Variants in ACSBG1 observed in about 807,000 individuals in gnomAD.
ACSBG1 encodes long-chain-fatty-acid--CoA ligase ACSBG1.
In ACSBG1, 39 loss-of-function variants were observed where a neutral mutation model predicts 80.2. The ratio of observed to expected loss-of-function variants is 0.49; its 90% CI spans 0.38 to 0.64. The LOEUF is 0.64. Among genes scored for constraint, ACSBG1 ranks in the 30% least tolerant of loss-of-function variants. ACSBG1 has a pLI of 0.00. For missense variants in ACSBG1, 828 were observed against 966.4 expected (o/e 0.86, Z 1.90); for synonymous variants, 392 against 379.5 (o/e 1.03, Z -0.38).
chr15:78,229,254 G>A (rs114712306), intron 1 of ACSBG1, among the ~76,000 whole-genome samples: 364 of 152,158 alleles, frequency 2.4e-3, no homozygotes, highest in African/African-American at 8.0e-3. Context: ...AAACAATTTT[G>A]AATAAATGAA....
At chr15:78,194,094 AC>A in intron 3 of ACSBG1, 74 bp from the exon 4 acceptor site, 1 of 1,446,286 alleles carries the variant, frequency 6.9e-7, no homozygotes, top group Non-Finnish European at 9.7e-7. Context: ...CAGAGCCCCC[AC>A]CCAGACTGCA....
Position 78,180,814 on chromosome 15 carries a change from T to C in ACSBG1, c.1194A>G (p.Arg398=), listed in dbSNP as rs17850482. ...CCGACATGGCCCACAGCAGCATCTT[T>C]CGCCGGATGAAGCCAGACTGAGCCG... ...EVAAQSGFIR[R]KMLLWAMSVT... Residue 398 remains arginine (R), a synonymous_variant, in exon 9 of 14, where the codon CGA becomes CGG. Coordinates refer to ENST00000258873, the MANE Select transcript of ACSBG1 (RefSeq NM_015162.5). The C allele has an allele frequency of 6.2e-7, 1 of 1,614,220 alleles. No individual in the cohort carries two copies. The highest frequency in any genetic ancestry group is 1.3e-5 in the African/African-American group (1 of 75,070).
chr15:78,191,894 C>T (rs941461424), intron 5 of ACSBG1, among the ~76,000 whole-genome samples: 7 of 152,116 alleles, frequency 4.6e-5, no homozygotes, highest in East Asian at 1.9e-4. Context: ...CACAACCCGC[C>T]GCAAAGAGAT....
At chr15:78,205,076 C>T (rs1053656672) in intron 2 of ACSBG1, among the ~76,000 whole-genome samples, 4 of 151,998 alleles carry the variant, frequency 2.6e-5, no homozygotes, top group Non-Finnish European at 4.4e-5. Context: ...CTGCTCACCC[C>T]GGGTGCCCTC....
At chr15:78,185,085 T>C (rs2074988029) in intron 5 of ACSBG1, among the ~76,000 whole-genome samples, 2 of 145,898 alleles carry the variant, frequency 1.4e-5, no homozygotes, top group South Asian at 4.4e-4. Context: ...GAGAGAGGAA[T>C]ACAGAACCCA....
At chr15:78,188,213 G>A (rs948929441) in intron 5 of ACSBG1, among the ~76,000 whole-genome samples, 8 of 152,074 alleles carry the variant, frequency 5.3e-5, no homozygotes, top group Non-Finnish European at 1.2e-4. Context: ...ATGCTCATGG[G>A]TAGGAAGAAT....
rs1407792421 is a variant in ACSBG1, at chr15:78,193,972, G to C, written c.502C>G (p.Pro168Ala). The change falls in exon 4 of 14, where the codon CCG becomes GCG. Residue 168 changes from proline (P) to alanine (A), a missense_variant. Pro to Ala is a conservative substitution (Grantham distance 27). This residue lies in a region of ACSBG1 where 356 missense variants were observed against 363.5 expected (regional missense o/e 0.98). Transcript: ENST00000258873. Reference protein sequence around the residue: ...HSVAILGFNSPEWFFSAVGTV... With the variant: ...HSVAILGFNSAEWFFSAVGTV... ...CCCACTGCCGAGAAGAACCACTCCG[G>C]GGAGTTGAAGCCGAGGATGGCCACA... is the stretch of plus-strand genomic sequence containing the variant. 1 of 1,614,028 alleles carries C rather than the reference G, an allele frequency of 6.2e-7. No homozygotes were observed. The highest frequency in any genetic ancestry group is 8.5e-7 in the Non-Finnish European group (1 of 1,180,016).
chr15:78,183,005 C>A (rs1567082089), intron 5 of ACSBG1: 1 of 585,162 alleles, frequency 1.7e-6, no homozygotes, highest in African/African-American at 1.9e-5. Context: ...GGGGATGACT[C>A]CCCATTGAAG....
At position 78,221,186 on chromosome 15, in the gene ACSBG1, T is replaced by C. The variant is rs529126964; in HGVS notation, c.132-13084A>G. ...GCCCAGGGGACCGGTACACTCAGCA[T>C]GTGAGGACCTGCACCGGCGCCGGTC... On this transcript the variant is annotated intron_variant, in intron 1 of 13. Transcript: ENST00000258873. Among the ~76,000 whole-genome samples the C allele has an allele frequency of 9.2e-5, 14 of 152,070 alleles. No homozygotes were observed. In the South Asian group the frequency reaches 2.7e-3, roughly 29 times the overall value.
chr15:78,195,365 G>A (rs1436331855), intron 2 of ACSBG1, among the ~76,000 whole-genome samples: 3 of 152,128 alleles, frequency 2.0e-5, no homozygotes, highest in East Asian at 1.9e-4. Context: ...GTCATTTATC[G>A]AAGATCACAC....
At chr15:78,233,661 T>C (rs1421812371) in intron 1 of ACSBG1, among the ~76,000 whole-genome samples, 1 of 152,154 alleles carries the variant, frequency 6.6e-6, no homozygotes, top group African/African-American at 2.4e-5. Context: ...TGGACACAAA[T>C]CACAGATGTT....
intron 1 of ACSBG1, chr15:78,212,484 C>T (rs974948537): frequency 4.5e-6 from 2 of 448,192 alleles, no homozygotes; most frequent in Non-Finnish European, 9.0e-6. Context: ...TGCGTGCCAA[C>T]TACTTTCCCT....
chr15:78,199,056 C>G (rs1434209941), intron 2 of ACSBG1, among the ~76,000 whole-genome samples: 1 of 152,090 alleles, frequency 6.6e-6, no homozygotes, highest in Non-Finnish European at 1.5e-5. Context: ...TTTTGTTTCT[C>G]TGCTTTTTAT....
At chr15:78,189,062 A>G (rs1448545056) in intron 5 of ACSBG1, among the ~76,000 whole-genome samples, 11 of 152,048 alleles carry the variant, frequency 7.2e-5, no homozygotes, top group Admixed American at 2.6e-4. Flanking sequence ...CAAAAAACAC[A>G]TGAAAAAATG....
At chr15:78,226,116 A>C (rs1439184068) in intron 1 of ACSBG1, among the ~76,000 whole-genome samples, 1 of 152,258 alleles carries the variant, frequency 6.6e-6, no homozygotes, top group Non-Finnish European at 1.5e-5. Flanking sequence ...TAATCTCTGA[A>C]GTGAAATCCC....
chr15:78,182,297 C>T, intron 7 of ACSBG1, 152 bp from the exon 8 acceptor site: 2 of 1,323,340 alleles, frequency 1.5e-6, no homozygotes, highest in East Asian at 5.0e-5. Context: ...TCCCCTCCCC[C>T]TTGCTGAGCT....
At chr15:78,223,208 A>G (rs936316402) in intron 1 of ACSBG1, among the ~76,000 whole-genome samples, 1 of 135,216 alleles carries the variant, frequency 7.4e-6, no homozygotes, top group African/African-American at 2.7e-5. Flanking sequence ...GTTGGAGAGC[A>G]TGTGAAGAAG....
Position 78,174,424 on chromosome 15 carries a change from C to T in ACSBG1, c.1803G>A (p.Gly601=). 1 of 1,614,118 alleles carries T rather than the reference C, an allele frequency of 6.2e-7. No individual in the cohort carries two copies. Among genetic ancestry groups the T allele is most frequent in the Non-Finnish European group, 8.5e-7 (1 of 1,180,030 alleles). ...GCATGGACAGGAACTTCCTCTGGTC[C>T]CCAATGAGCATGGCGTTGCTGATGA... The part of the protein sequence containing the change: ...LPIISNAMLI[G]DQRKFLSMLL... Residue 601 remains glycine (G), a synonymous_variant, in exon 12 of 14, where the codon GGG becomes GGA. Coordinates refer to ENST00000258873, the MANE Select transcript of ACSBG1 (RefSeq NM_015162.5).
At chr15:78,209,558 C>A (rs999333069) in intron 1 of ACSBG1, among the ~76,000 whole-genome samples, 2 of 152,198 alleles carry the variant, frequency 1.3e-5, no homozygotes, top group African/African-American at 4.8e-5. Context: ...TCTGGGATAG[C>A]CAGGTAGAAG....
Sources: gnomAD v4.1 joint callset for allele counts (sites outside exome capture counted in the v4.1 genomes callset) on GRCh38, gnomAD v4.1.1 for gene constraint, gnomAD v4.1.1 regional missense constraint, MANE v1.5 for transcripts, NCBI Gene and HGNC (gene_info 2026-07-23, HGNC 2026-07-21) for gene names.